ATP2C1: variants seen among roughly 807,000 people sequenced by gnomAD.
The protein encoded by ATP2C1 is ATPase secretory pathway Ca2+ transporting 1.
In ATP2C1, 31 loss-of-function variants were observed where a neutral mutation model predicts 120.5. The observed-to-expected ratio is 0.26, with a 90% CI of 0.19 to 0.35. The LOEUF is 0.35. Among genes scored for constraint, ATP2C1 ranks in the 10% least tolerant of loss-of-function variants. The pLI, the probability that ATP2C1 is intolerant of heterozygous loss-of-function variation, is 1.00. For missense variants in ATP2C1, 731 were observed against 1,107.5 expected, an observed-to-expected ratio of 0.66 and a Z score of 4.83; for synonymous variants, 351 against 358.7, an observed-to-expected ratio of 0.98 and a Z score of 0.24.
chr3:130,866,791 A>C (rs2068191468), intron 1 of ATP2C1, among the ~76,000 whole-genome samples: 1 of 152,228 alleles, frequency 6.6e-6, no homozygotes, highest in Non-Finnish European at 1.5e-5. Flanking sequence ...GAGGAGGTTT[A>C]AATATTCATG....
intron 20 of ATP2C1, among the ~76,000 whole-genome samples, chr3:130,992,092 C>T (rs1352207956): frequency 1.3e-5 from 2 of 152,116 alleles, no homozygotes; most frequent in Admixed American, 6.5e-5. Context: ...CTGTGAACTC[C>T]GGAGCAGTGA....
At position 130,969,401 on chromosome 3, in the gene ATP2C1, C is replaced by T. The variant is rs1285943179; in HGVS notation, c.1413+5C>T. On this transcript the variant is annotated splice_donor_5th_base_variant and intron_variant, in intron 17 of 27. Coordinates refer to ENST00000510168, the MANE Select transcript of ATP2C1 (RefSeq NM_001378687.1). ...TGTGTACACCGAACACAGCAGGTATCCATCTGTTTAAAGAATACTTATTTC... is the reference window on the plus strand; with the variant it reads ...TGTGTACACCGAACACAGCAGGTATTCATCTGTTTAAAGAATACTTATTTC... 1 of 1,607,472 alleles carries T rather than the reference C, an allele frequency of 6.2e-7. No homozygotes were observed. Among genetic ancestry groups the T allele is most frequent in the South Asian group, 1.1e-5 (1 of 90,914 alleles).
intron 26 of ATP2C1, chr3:131,015,925 A>G: frequency 1.4e-6 from 1 of 691,774 alleles, no homozygotes; most frequent in South Asian, 1.6e-5. Flanking sequence ...ATTGGATTGA[A>G]TCATGGAAAC....
chr3:130,891,302 T>A (rs1342880562), upstream of ATP2C1, among the ~76,000 whole-genome samples: 1 of 152,202 alleles, frequency 6.6e-6, no homozygotes, highest in African/African-American at 2.4e-5. Flanking sequence ...CATCCAGGTT[T>A]ATAAAAATGC....
At chr3:131,016,059 A>C in intron 26 of ATP2C1, 1 of 1,458,998 alleles carries the variant, frequency 6.9e-7, no homozygotes, top group South Asian at 1.2e-5. Context: ...TTTTTTAAGT[A>C]ACTTTGTTGC....
At chr3:130,899,502 C>CTT (rs2069951403) in intron 2 of ATP2C1, 1 of 151,950 alleles carries the variant, frequency 6.6e-6, no homozygotes, top group Non-Finnish European at 1.5e-5. Flanking sequence ...TTTGAGTAGG[C>CTT]TGAAGAAAAG....
Position 130,894,220 on chromosome 3 carries a change from T to A in ATP2C1, c.-298T>A, listed in dbSNP as rs918384010. ...GCTTCTTCTCACGCCGGGAGCAGGC[T>A]CCCGCCTCGCACCGCTGCCCCGCGA... On this transcript the variant is annotated 5_prime_UTR_variant, in exon 1 of 28. Transcript: ENST00000510168. The surrounding 1 kb of genome is among the most constrained non-coding windows in gnomAD (Gnocchi z 4.5). The A allele has an allele frequency of 5.1e-6, 5 of 976,482 alleles. No individual in the cohort carries two copies. The highest frequency in any genetic ancestry group is 1.2e-6 in the Non-Finnish European group (1 of 827,666). The allele number at this position is 976,482 out of a possible 1,614,324, so 60.5% of individuals were successfully genotyped here. A position where few individuals can be genotyped will look rare whatever the true frequency, so the allele number is the denominator to read the frequency against.
At chr3:130,998,604 A>C (rs1160418345) in intron 26 of ATP2C1, among the ~76,000 whole-genome samples, 1 of 152,206 alleles carries the variant, frequency 6.6e-6, no homozygotes. Flanking sequence ...CTAGAACATA[A>C]AAGTATTAAT....
At chr3:130,887,600 G>A (rs560941534) in intron 1 of ATP2C1, among the ~76,000 whole-genome samples, 37 of 152,278 alleles carry the variant, frequency 2.4e-4, no homozygotes, top group Admixed American at 3.3e-4. Flanking sequence ...GCCTCTCCCT[G>A]TGGCAACCAC....
At chr3:130,919,468 C>T (rs1433575349) in intron 2 of ATP2C1, among the ~76,000 whole-genome samples, 1 of 152,120 alleles carries the variant, frequency 6.6e-6, no homozygotes, top group Non-Finnish European at 1.5e-5. Flanking sequence ...ATCCGCCTGC[C>T]TCAGCCTCCC....
At chr3:130,885,333 A>T (rs1252977156) in intron 1 of ATP2C1, among the ~76,000 whole-genome samples, 3 of 151,972 alleles carry the variant, frequency 2.0e-5, no homozygotes, top group Non-Finnish European at 4.4e-5. Flanking sequence ...GTCCATTTGC[A>T]CTTAATGTTA....
intron 8 of ATP2C1, among the ~76,000 whole-genome samples, chr3:130,942,955 C>G (rs2059986170): frequency 6.6e-6 from 1 of 152,148 alleles, no homozygotes; most frequent in East Asian, 1.9e-4. Context: ...TGCTGCTCTT[C>G]CAGTTGAGAA....
At chr3:130,939,458 G>A (rs1418764148) in intron 6 of ATP2C1, among the ~76,000 whole-genome samples, 1 of 152,020 alleles carries the variant, frequency 6.6e-6, no homozygotes, top group Non-Finnish European at 1.5e-5. Context: ...TGACTTTTAG[G>A]CATTTATTAG....
chr3:130,877,387 C>A (rs1429967840), intron 1 of ATP2C1, among the ~76,000 whole-genome samples: 1 of 152,122 alleles, frequency 6.6e-6, no homozygotes, highest in East Asian at 1.9e-4. Context: ...ACAATCTACC[C>A]ATCTGACAAA....
At chr3:130,965,985 T>C (rs942823267) in intron 14 of ATP2C1, among the ~76,000 whole-genome samples, 7 of 152,310 alleles carry the variant, frequency 4.6e-5, no homozygotes, top group African/African-American at 1.2e-4. Flanking sequence ...CACTGTGCAG[T>C]AGTTCTTCCT....
At chr3:130,922,472 A>AG (rs2059013767) in intron 2 of ATP2C1, among the ~76,000 whole-genome samples, 1 of 150,474 alleles carries the variant, frequency 6.6e-6, no homozygotes, top group South Asian at 2.1e-4. Context: ...TTCTGCTCTG[A>AG]TCTTTGTTAC....
intron 18 of ATP2C1, among the ~76,000 whole-genome samples, chr3:130,977,184 T>TGGCAGC (rs1415177598): frequency 6.6e-6 from 1 of 152,184 alleles, no homozygotes; most frequent in African/African-American, 2.4e-5. Context: ...GAAGGGGCAG[T>TGGCAGC]GGCAGCTCCA....
At chr3:131,013,963 T>C (rs2063447106) in intron 26 of ATP2C1, 1 of 872,844 alleles carries the variant, frequency 1.1e-6, no homozygotes, top group African/African-American at 1.7e-5. Context: ...AACAGGTCAG[T>C]CCTAAAGAAA....
intron 10 of ATP2C1, 83 bp from the exon 11 acceptor site, chr3:130,956,021 C>A: frequency 1.1e-6 from 1 of 911,418 alleles, no homozygotes; most frequent in Non-Finnish European, 1.8e-6. Flanking sequence ...ATTGCTTTGT[C>A]AAGCACTTAG....
Sources: gnomAD v4.1 joint callset for allele counts (sites outside exome capture counted in the v4.1 genomes callset) on GRCh38, gnomAD v4.1.1 for gene constraint, Gnocchi (gnomAD v3.1) non-coding constraint, MANE v1.5 for transcripts, NCBI Gene and HGNC (gene_info 2026-07-23, HGNC 2026-07-21) for gene names.